Variants in ABCA13 observed in about 807,000 individuals in gnomAD.
ABCA13 encodes ATP binding cassette subfamily A member 13, also known as ATP-binding cassette sub-family A member 13.
Under a neutral mutation model 478.7 loss-of-function variants are expected in ABCA13, and 476 were observed. The observed-to-expected ratio is 0.99, with a 90% CI of 0.92 to 1.07. The LOEUF (loss-of-function observed/expected upper bound fraction) is 1.07, where lower values mean the gene tolerates loss of function less well. ABCA13 is among the 50% of genes least tolerant of loss of function. ABCA13 has a pLI of 0.00. For synonymous variants in ABCA13, 2,252 were observed against 2,158.9 expected (o/e 1.04, Z -1.20); for missense variants, 6,060 against 5,910.6 (o/e 1.03, Z -0.83).
rs144940662 is a variant in ABCA13 at position 48,223,820 on chromosome 7, G to A, written c.468+2511G>A. On this transcript the variant is annotated intron_variant, in intron 5 of 61. Transcript: ENST00000435803. ...AAAAATACAAGAATGATCCAGGCGC[G>A]TAATGGCAGGTGCCTATAATCCCAG... is the stretch of plus-strand genomic sequence containing the variant. Among the ~76,000 whole-genome samples the A allele has an allele frequency of 4.6e-3, 696 of 152,106 alleles. 12 individuals are homozygous for A. The highest frequency in any genetic ancestry group is 0.016 in the African/African-American group (663 of 41,490).
chr7:48,314,155 A>C, intron 25 of ABCA13, 77 bp from the exon 26 acceptor site: 1 of 1,458,524 alleles, frequency 6.9e-7, no homozygotes, highest in Non-Finnish European at 9.4e-7. Context: ...GGAGGAAGGA[A>C]CTAGACTTTC....
chr7:48,582,266 C>G (rs1788774903), intron 56 of ABCA13, among the ~76,000 whole-genome samples: 1 of 152,174 alleles, frequency 6.6e-6, no homozygotes, highest in African/African-American at 2.4e-5. Flanking sequence ...TTAGTTTATT[C>G]AGGCTGTTAG....
chr7:48,360,980 C>T (rs1361796409), intron 31 of ABCA13, among the ~76,000 whole-genome samples: 5 of 151,610 alleles, frequency 3.3e-5, no homozygotes, highest in Non-Finnish European at 7.4e-5. Context: ...TCTGTAGTCC[C>T]AGCTAATTGG....
chr7:48,587,981 T>A lies in ABCA13; in HGVS notation c.14640+693T>A, dbSNP rs75955640. 1.1e-3 allele frequency among the ~76,000 whole-genome samples: 169 copies of A among 152,278 alleles called. 3 individuals carry two copies. The East Asian group carries it at 0.027, about 24-fold the overall frequency. On this transcript the variant is annotated intron_variant, in intron 57 of 61. Coordinates refer to ENST00000435803, the MANE Select transcript of ABCA13 (RefSeq NM_152701.5). ...ATAAATTGGATTCTAATCAGTAGAGTGCATCTTTGGACTTCACACCAGTAG... is the reference window on the plus strand; with the variant it reads ...ATAAATTGGATTCTAATCAGTAGAGAGCATCTTTGGACTTCACACCAGTAG...
At chr7:48,191,604 C>T (rs572428355) in intron 1 of ABCA13, among the ~76,000 whole-genome samples, 9 of 152,208 alleles carry the variant, frequency 5.9e-5, no homozygotes, top group East Asian at 1.9e-4. Flanking sequence ...GATGCAGTTT[C>T]ACCGTGTTGG....
chr7:48,399,565 A>G (rs955107456), intron 38 of ABCA13, among the ~76,000 whole-genome samples: 39 of 152,208 alleles, frequency 2.6e-4, no homozygotes, highest in African/African-American at 9.4e-4. Context: ...TTTGTTAGAA[A>G]TTACAAGGTC....
chr7:48,513,068 G>T (rs970659970), intron 51 of ABCA13, among the ~76,000 whole-genome samples: 1 of 152,228 alleles, frequency 6.6e-6, no homozygotes, highest in Non-Finnish European at 1.5e-5. Flanking sequence ...ACTGTAACAG[G>T]AGGGGCAGTG....
intron 58 of ABCA13, among the ~76,000 whole-genome samples, chr7:48,605,126 G>C (rs896136972): frequency 3.3e-5 from 5 of 151,998 alleles, no homozygotes. Flanking sequence ...TTGTGTCTTT[G>C]TACATGAGAT....
At chr7:48,280,575 T>A (rs1024571546) in intron 18 of ABCA13, among the ~76,000 whole-genome samples, 2 of 152,202 alleles carry the variant, frequency 1.3e-5, no homozygotes, top group African/African-American at 4.8e-5. Context: ...CTACCTGTCC[T>A]TTCTGTGGGT....
intron 1 of ABCA13, among the ~76,000 whole-genome samples, chr7:48,187,661 A>G (rs1188592171): frequency 6.6e-6 from 1 of 151,448 alleles, no homozygotes; most frequent in Non-Finnish European, 1.5e-5. Flanking sequence ...ACTAGTATGT[A>G]TTTTCTTTTT....
At chr7:48,453,846 G>A (rs1825337957) in intron 42 of ABCA13, among the ~76,000 whole-genome samples, 1 of 152,106 alleles carries the variant, frequency 6.6e-6, no homozygotes, top group African/African-American at 2.4e-5. Context: ...AGAAACCAAA[G>A]AGCCCAGCGC....
intron 55 of ABCA13, among the ~76,000 whole-genome samples, chr7:48,565,456 G>A (rs1035946003): frequency 1.3e-5 from 2 of 152,074 alleles, no homozygotes; most frequent in Non-Finnish European, 2.9e-5. Flanking sequence ...TTGTAGTGAT[G>A]TTTAAATACC....
chr7:48,229,851 A>T lies in ABCA13; in HGVS notation c.659A>T (p.Asp220Val), dbSNP rs1458794889. 6.2e-7 allele frequency: 1 copy of T among 1,613,898 alleles called. No homozygotes were observed. The highest frequency in any genetic ancestry group is 1.3e-5 in the African/African-American group (1 of 74,934). The change falls in exon 7 of 62, where the codon GAT becomes GTT. Residue 220 changes from aspartate (D) to valine (V), a missense_variant. This residue lies in a region of ABCA13 where 4,423 missense variants were observed against 4,309.1 expected (regional missense o/e 1.03). Transcript: ENST00000435803. ...TCCTTAATATCCCTAGAAGATTTAG[A>T]TTGGCTTCCACTCAACCAAACTTTT... is the stretch of plus-strand genomic sequence containing the variant. ...LNSLISLEDL[D>V]WLPLNQTFSQ...
chr7:48,511,808 A>G (rs201135895), intron 51 of ABCA13, among the ~76,000 whole-genome samples: 92 of 152,306 alleles, frequency 6.0e-4, no homozygotes, highest in African/African-American at 2.1e-3. Flanking sequence ...GGCTAACTAC[A>G]TAAGAGATGC....
In ABCA13 at chr7:48,520,081, C is replaced by A. The variant is rs1832433963; in HGVS notation, c.13838C>A (p.Thr4613Asn). Residue 4613 changes from threonine to asparagine, a missense_variant, in exon 53 of 62, where the codon ACT becomes AAT. Thr to Asn is a moderately conservative substitution (Grantham distance 65). This residue lies in a region of ABCA13 where 1,627 missense variants were observed against 1,571.0 expected (regional missense o/e 1.04). Coordinates refer to ENST00000435803, the MANE Select transcript of ABCA13 (RefSeq NM_152701.5). ...TATGATGTCCTCAAGTGGGTCTTTA[C>A]TATTTTTCCTCAATTCTGTCTTGGT... ...NIYDVLKWVF[T>N]IFPQFCLGQG... 6.2e-7 allele frequency: 1 copy of A among 1,613,150 alleles called. No individual in the cohort carries two copies. The highest frequency in any genetic ancestry group is 1.3e-5 in the African/African-American group (1 of 74,888).
intron 53 of ABCA13, among the ~76,000 whole-genome samples, chr7:48,521,463 C>T (rs1197447268): frequency 6.6e-6 from 1 of 152,042 alleles, no homozygotes; most frequent in Non-Finnish European, 1.5e-5. Flanking sequence ...AAATAGACAC[C>T]GTTTTGAGTA....
chr7:48,373,468 C>G (rs993939010), intron 33 of ABCA13, among the ~76,000 whole-genome samples: 1 of 152,194 alleles, frequency 6.6e-6, no homozygotes, highest in East Asian at 1.9e-4. Context: ...TAGCCATATG[C>G]TCACAACAAA....
At chr7:48,334,267 A>G (rs1420425911) in intron 27 of ABCA13, among the ~76,000 whole-genome samples, 2 of 151,804 alleles carry the variant, frequency 1.3e-5, no homozygotes, top group African/African-American at 4.8e-5. Flanking sequence ...AGTATTTGCT[A>G]TGTGCCAGGC....
intron 15 of ABCA13, among the ~76,000 whole-genome samples, chr7:48,263,810 A>T (rs1794512719): frequency 6.6e-6 from 1 of 151,902 alleles, no homozygotes; most frequent in Non-Finnish European, 1.5e-5. Context: ...TATGAGTAAC[A>T]TGAGATATTT....
Sources: allele counts gnomAD v4.1 joint callset (sites outside exome capture counted in the v4.1 genomes callset), GRCh38; gene constraint gnomAD v4.1.1; regional missense constraint gnomAD v4.1.1; transcripts MANE v1.5; gene names NCBI Gene and HGNC (gene_info 2026-07-23, HGNC 2026-07-21).